Variants in LRRC56 observed in about 807,000 individuals in gnomAD.
The protein encoded by LRRC56 is leucine rich repeat containing 56.
LRRC56 carries 41 observed loss-of-function variants against 47.8 expected under a neutral mutation model. That is an observed-to-expected ratio of 0.86 (90% confidence interval 0.67 to 1.11). The LOEUF is 1.11. Ranked by LOEUF, LRRC56 falls within the 50% of genes most tolerant of loss-of-function variation. The pLI, the probability that LRRC56 is intolerant of heterozygous loss-of-function variation, is 0.00. For missense variants in LRRC56, 759 were observed against 704.2 expected, an observed-to-expected ratio of 1.08 and a Z score of -0.88; for synonymous variants, 387 against 311.2, an observed-to-expected ratio of 1.24 and a Z score of -2.56.
intron 6 of LRRC56, 145 bp downstream of exon 6, chr11:544,925 G>A (rs973130964): frequency 1.2e-5 from 10 of 824,856 alleles, no homozygotes; most frequent in Middle Eastern, 3.3e-4. Flanking sequence ...GCTCCATCCT[G>A]CTGGCTGCCT....
chr11:507,240 T>TTCGAGCCGGCTCGTGGGCGTGG, the LRRC56 span: 1 of 152,066 alleles, frequency 6.6e-6, no homozygotes. Context: ...CGCGGGCGTG[T>TTCGAGCCGGCTCGTGGGCGTGG]TCGAGCCGGC....
At chr11:536,093 C>G (rs1851480643), upstream of LRRC56, among the ~76,000 whole-genome samples, 1 of 152,240 alleles carries the variant, frequency 6.6e-6, no homozygotes, top group East Asian at 1.9e-4. Context: ...CCGCGCACCC[C>G]ACCTACCACC....
chr11:513,929 C>G, the LRRC56 span, among the ~76,000 whole-genome samples: 1 of 152,114 alleles, frequency 6.6e-6, no homozygotes, highest in Admixed American at 6.6e-5. Flanking sequence ...GCAAAGAGAT[C>G]CCAACTTCCT....
At chr11:532,887 C>T, upstream of LRRC56, 1 of 881,722 alleles carries the variant, frequency 1.1e-6, no homozygotes, top group Admixed American at 1.9e-5. Flanking sequence ...CCCAGGCCCA[C>T]CACACACACG....
intron 12 of LRRC56, among the ~76,000 whole-genome samples, 161 bp from the exon 13 acceptor site, chr11:552,408 A>T: frequency 6.7e-6 from 1 of 148,454 alleles, no homozygotes; most frequent in Non-Finnish European, 1.5e-5. Flanking sequence ...GCTGGTCCCA[A>T]GGCTCGTGGA....
At chr11:551,441 C>T (rs1385656343) in intron 9 of LRRC56, 139 bp downstream of exon 9, 3 of 791,394 alleles carry the variant, frequency 3.8e-6, no homozygotes. Flanking sequence ...CAGAGCTGTG[C>T]ACACCCGGCC....
At chr11:536,346 C>A (rs1851493925), upstream of LRRC56, among the ~76,000 whole-genome samples, 2 of 152,260 alleles carry the variant, frequency 1.3e-5, 1 homozygote, top group African/African-American at 4.8e-5. Context: ...CCACAAGTTG[C>A]CACAGGGGAG....
At chr11:514,403 C>A in the LRRC56 span, among the ~76,000 whole-genome samples, 1 of 151,858 alleles carries the variant, frequency 6.6e-6, no homozygotes, top group Admixed American at 6.6e-5. Flanking sequence ...CCTCCCACCT[C>A]TGTCTCCCTA....
chr11:507,086 C>A, the LRRC56 span: 1 of 152,216 alleles, frequency 6.6e-6, no homozygotes, highest in Non-Finnish European at 1.5e-5. Context: ...CCTGGCTAGA[C>A]GCTGACGCAC....
chr11:547,796 G>T (rs1852167265), intron 6 of LRRC56, among the ~76,000 whole-genome samples: 1 of 152,150 alleles, frequency 6.6e-6, no homozygotes, highest in South Asian at 2.1e-4. Context: ...AAACAAAATA[G>T]TTCCAAAGGA....
rs1384285624 is a variant in LRRC56 at position 549,918 on chromosome 11, C to G, written c.343C>G (p.Leu115Val). Residue 115 changes from leucine (L) to valine (V), a missense_variant, in exon 7 of 14, where the codon CTG becomes GTG. Physicochemically the swap from Leu to Val is conservative, Grantham distance 32 (BLOSUM62 1). Coordinates refer to ENST00000270115, the MANE Select transcript of LRRC56 (RefSeq NM_198075.4). The stretch of plus-strand genomic sequence containing the variant: ...CTTCTGCAGGGACTTGGGCACGTCT[C>G]TGGGCCACCTGCAGGTGCTGTGGCT... ...LGSLRDLGTS[L>V]GHLQVLWLAR... The G allele has an allele frequency of 6.2e-7, 1 of 1,613,140 alleles. No individual in the cohort carries two copies. Among genetic ancestry groups the G allele is most frequent in the South Asian group, 1.1e-5 (1 of 91,088 alleles).
chr11:553,193 C>T (rs1852515030), intron 13 of LRRC56, among the ~76,000 whole-genome samples: 2 of 152,214 alleles, frequency 1.3e-5, no homozygotes, highest in Admixed American at 6.5e-5. Flanking sequence ...AGAATTAAGC[C>T]ATGCAGTGCC....
the LRRC56 span, among the ~76,000 whole-genome samples, chr11:527,098 C>G: frequency 3.9e-5 from 6 of 151,906 alleles, no homozygotes; most frequent in African/African-American, 9.7e-5. Context: ...TCAGGAGCTC[C>G]AGACCATCCT....
chr11:511,656 C>T, the LRRC56 span, among the ~76,000 whole-genome samples: 1 of 152,220 alleles, frequency 6.6e-6, no homozygotes, highest in Non-Finnish European at 1.5e-5. Context: ...GAAAGCAGAC[C>T]AGTCGGCAGG....
chr11:525,941 A>G, the LRRC56 span, among the ~76,000 whole-genome samples: 2 of 151,956 alleles, frequency 1.3e-5, no homozygotes, highest in Non-Finnish European at 2.9e-5. Context: ...CACACCTATA[A>G]TCCCGGCATG....
At chr11:525,431 C>T in the LRRC56 span, among the ~76,000 whole-genome samples, 2 of 151,668 alleles carry the variant, frequency 1.3e-5, no homozygotes, top group South Asian at 2.1e-4. Flanking sequence ...CCCAGCTACT[C>T]GGGAGGCTGA....
intron 5 of LRRC56, among the ~76,000 whole-genome samples, chr11:544,110 C>T (rs1428718498): frequency 2.0e-5 from 3 of 152,244 alleles, no homozygotes; most frequent in South Asian, 2.1e-4. Flanking sequence ...ATGCCCCATC[C>T]TACAAAAGAC....
At chr11:526,959 T>C in the LRRC56 span, among the ~76,000 whole-genome samples, 1 of 151,116 alleles carries the variant, frequency 6.6e-6, no homozygotes, top group East Asian at 2.0e-4. Context: ...AAAAGAAATA[T>C]TGTTCAGCAA....
the LRRC56 span, among the ~76,000 whole-genome samples, chr11:518,632 C>A: frequency 5.8e-3 from 890 of 152,254 alleles, 6 homozygotes; most frequent in Non-Finnish European, 5.8e-3. Context: ...CGCCTGTTCA[C>A]TTTATTACTT....
Sources: allele counts gnomAD v4.1 joint callset (sites outside exome capture counted in the v4.1 genomes callset), GRCh38; gene constraint gnomAD v4.1.1; transcripts MANE v1.5; gene names NCBI Gene and HGNC (gene_info 2026-07-23, HGNC 2026-07-21).